Variants in KLF12 observed in about 807,000 individuals in gnomAD.
KLF12 encodes Krueppel-like factor 12.
A neutral mutation model predicts 37.8 loss-of-function variants in KLF12; 9 were observed. The ratio of observed to expected loss-of-function variants is 0.24; its 90% CI spans 0.14 to 0.42. The LOEUF is 0.42. Among genes scored for constraint, KLF12 ranks in the 10% least tolerant of loss-of-function variants. KLF12 has a pLI of 1.00. For synonymous variants in KLF12, 208 were observed against 202.1 expected (o/e 1.03, Z -0.25); for missense variants, 411 against 516.0 (o/e 0.80, Z 1.97).
chr13:73,960,497 A>T (rs1448146792), intron 2 of KLF12: 1 of 204,708 alleles, frequency 4.9e-6, no homozygotes, highest in African/African-American at 2.3e-5. Context: ...AAGAAGAGCC[A>T]ATGGTTGGGA....
At chr13:74,205,646 T>C in the KLF12 span, among the ~76,000 whole-genome samples, 1 of 152,188 alleles carries the variant, frequency 6.6e-6, no homozygotes, top group Non-Finnish European at 1.5e-5. Context: ...CTGACTTTCT[T>C]GACCCTGACG....
At chr13:74,136,997 T>A (rs116836571), upstream of KLF12, among the ~76,000 whole-genome samples, 368 of 152,306 alleles carry the variant, frequency 2.4e-3, 1 homozygote, top group African/African-American at 8.5e-3. Context: ...AAAGCATGGA[T>A]GATAACGGAG....
chr13:73,960,556 G>C (rs1171552679), intron 2 of KLF12, among the ~76,000 whole-genome samples: 1 of 152,116 alleles, frequency 6.6e-6, no homozygotes, highest in Non-Finnish European at 1.5e-5. Flanking sequence ...AAGTGTAAAA[G>C]AGTCATTTTG....
intron 1 of KLF12, among the ~76,000 whole-genome samples, chr13:74,062,407 G>C (rs1372847748): frequency 6.6e-6 from 1 of 152,172 alleles, no homozygotes; most frequent in Non-Finnish European, 1.5e-5. Flanking sequence ...GGTTAAAACA[G>C]CATCCTGTAG....
intron 3 of KLF12, among the ~76,000 whole-genome samples, chr13:73,892,662 G>A (rs967729459): frequency 6.6e-6 from 1 of 152,148 alleles, no homozygotes; most frequent in Non-Finnish European, 1.5e-5. Context: ...GTACTATACA[G>A]CTATTAAAAA....
At chr13:74,085,832 C>T (rs146788135) in intron 1 of KLF12, among the ~76,000 whole-genome samples, 255 of 152,242 alleles carry the variant, frequency 1.7e-3, no homozygotes, top group African/African-American at 5.6e-3. Flanking sequence ...GTCTGTGGAG[C>T]AAATACCAAC....
intron 3 of KLF12, among the ~76,000 whole-genome samples, chr13:73,866,453 A>T (rs1172147609): frequency 6.6e-6 from 1 of 152,184 alleles, no homozygotes; most frequent in African/African-American, 2.4e-5. Context: ...ATATAAATTC[A>T]AAAGAAACTA....
intron 1 of KLF12, among the ~76,000 whole-genome samples, chr13:74,012,190 G>A (rs1325692308): frequency 2.0e-5 from 3 of 152,080 alleles, no homozygotes; most frequent in South Asian, 2.1e-4. Context: ...GATGCTTCTT[G>A]GTACCTAATT....
At chr13:74,255,470 A>T in the KLF12 span, among the ~76,000 whole-genome samples, 7 of 152,228 alleles carry the variant, frequency 4.6e-5, no homozygotes, top group Admixed American at 3.9e-4. Context: ...ATGTGGTATC[A>T]TTTAACAGCA....
the KLF12 span, among the ~76,000 whole-genome samples, chr13:74,204,920 T>C: frequency 6.6e-6 from 1 of 152,154 alleles, no homozygotes; most frequent in Admixed American, 6.6e-5. Context: ...TCAAGACTTT[T>C]GAGTGTTGGG....
chr13:73,912,639 T>G (rs1437077590), intron 3 of KLF12, among the ~76,000 whole-genome samples: 1 of 152,198 alleles, frequency 6.6e-6, no homozygotes, highest in Non-Finnish European at 1.5e-5. Flanking sequence ...CCCATGTCCC[T>G]GTTGACATGA....
intron 2 of KLF12, among the ~76,000 whole-genome samples, chr13:73,947,028 C>CT (rs1890455791): frequency 6.6e-6 from 1 of 152,132 alleles, no homozygotes; most frequent in Non-Finnish European, 1.5e-5. Context: ...GTACTAGATT[C>CT]TAATAATCTG....
intron 2 of KLF12, among the ~76,000 whole-genome samples, chr13:73,948,378 C>G (rs948066183): frequency 6.6e-6 from 1 of 152,144 alleles, no homozygotes; most frequent in African/African-American, 2.4e-5. Context: ...TGCGCCACCA[C>G]GCCTAATTTT....
At chr13:74,126,616 G>C (rs575126389) in intron 1 of KLF12, among the ~76,000 whole-genome samples, 106 of 151,936 alleles carry the variant, frequency 7.0e-4, no homozygotes, top group African/African-American at 2.3e-3. Context: ...TTTTCCACTT[G>C]TTTTGTTAAA....
intron 2 of KLF12, among the ~76,000 whole-genome samples, chr13:73,966,164 AATG>A (rs1169374970): frequency 2.0e-5 from 3 of 152,236 alleles, no homozygotes; most frequent in African/African-American, 7.2e-5. Context: ...AAAAATCACA[AATG>A]ATAATTCTGA....
chr13:74,210,302 C>T, the KLF12 span, among the ~76,000 whole-genome samples: 1 of 152,116 alleles, frequency 6.6e-6, no homozygotes, highest in Non-Finnish European at 1.5e-5. Flanking sequence ...GAAGAAGCTT[C>T]TCTTCTTTTA....
chr13:74,173,281 C>T, the KLF12 span, among the ~76,000 whole-genome samples: 1 of 152,166 alleles, frequency 6.6e-6, no homozygotes, highest in Non-Finnish European at 1.5e-5. Flanking sequence ...TGTACAGCTC[C>T]AGTTCTAGTC....
At chr13:73,796,647 A>AT (rs2138309884) in intron 5 of KLF12, among the ~76,000 whole-genome samples, 1 of 152,216 alleles carries the variant, frequency 6.6e-6, no homozygotes, top group South Asian at 2.1e-4. Context: ...ATCTTATAGA[A>AT]AACTCTTTGG....
chr13:73,805,790 T>G (rs762826202), intron 5 of KLF12, among the ~76,000 whole-genome samples: 3 of 152,128 alleles, frequency 2.0e-5, no homozygotes, highest in Non-Finnish European at 4.4e-5. Flanking sequence ...TAATTTAATA[T>G]AGCTGAGGCA....
Sources: allele counts gnomAD v4.1 joint callset (sites outside exome capture counted in the v4.1 genomes callset), GRCh38; gene constraint gnomAD v4.1.1; transcripts MANE v1.5; gene names NCBI Gene and HGNC (gene_info 2026-07-23, HGNC 2026-07-21).